The following TRRAP variants were observed in gnomAD, a reference collection of about 807,000 sequenced individuals.
The protein encoded by TRRAP is transformation/transcription domain associated protein.
Under a neutral mutation model 438.8 loss-of-function variants are expected in TRRAP, and 41 were observed. The observed-to-expected ratio is 0.09, with a 90% CI of 0.07 to 0.12. The LOEUF (loss-of-function observed/expected upper bound fraction) is 0.12, where lower values mean the gene tolerates loss of function less well. TRRAP is among the 10% of genes least tolerant of loss of function. TRRAP has a pLI of 1.00. For missense variants in TRRAP, 3,122 were observed against 5,055.1 expected, an observed-to-expected ratio of 0.62 and a Z score of 11.60; for synonymous variants, 1,994 against 1,962.9, an observed-to-expected ratio of 1.02 and a Z score of -0.42.
intron 67 of TRRAP, among the ~76,000 whole-genome samples, chr7:99,002,319 TC>T (rs1428634002): frequency 6.6e-6 from 1 of 152,202 alleles, no homozygotes; most frequent in African/African-American, 2.4e-5. Context: ...CTGAATCAGC[TC>T]TTCAGCTCTT....
intron 43 of TRRAP, among the ~76,000 whole-genome samples, chr7:98,957,686 T>C (rs1289384159): frequency 6.6e-6 from 1 of 152,168 alleles, no homozygotes; most frequent in Non-Finnish European, 1.5e-5. Context: ...TCTCTTCTTT[T>C]TTCTCATGGC....
At chr7:98,893,680 AATTT>A (rs1554405282) in intron 5 of TRRAP, 114 bp from the exon 6 acceptor site, 2 of 905,154 alleles carry the variant, frequency 2.2e-6, no homozygotes, top group African/African-American at 3.4e-5. Context: ...TGAGCTGATG[AATTT>A]TCAGCAAATC....
intron 58 of TRRAP, among the ~76,000 whole-genome samples, chr7:98,979,257 C>T (rs983266770): frequency 2.0e-5 from 3 of 152,164 alleles, no homozygotes; most frequent in Non-Finnish European, 4.4e-5. Context: ...ACATTCTTCC[C>T]TCAGTATCCA....
At chr7:98,927,686 C>T (rs1790114997) in intron 23 of TRRAP, among the ~76,000 whole-genome samples, 1 of 152,132 alleles carries the variant, frequency 6.6e-6, no homozygotes, top group Non-Finnish European at 1.5e-5. Context: ...GCTCACCTTC[C>T]TCTGCCTGGC....
At chr7:98,910,878 A>C (rs1305909227) in intron 16 of TRRAP, among the ~76,000 whole-genome samples, 199 bp from the exon 17 acceptor site, 1 of 151,942 alleles carries the variant, frequency 6.6e-6, no homozygotes, top group African/African-American at 2.4e-5. Context: ...CATGGTCTGA[A>C]CACCTAGAGG....
chr7:98,937,471 TTAAACAG>T (rs1251149160), intron 29 of TRRAP, among the ~76,000 whole-genome samples, 172 bp from the exon 30 acceptor site: 3 of 152,250 alleles, frequency 2.0e-5, no homozygotes, highest in African/African-American at 7.2e-5. Context: ...TTTTAAAATA[TTAAACAG>T]TAAAGATAAG....
At chr7:98,918,586 G>A (rs1331414076) in intron 20 of TRRAP, among the ~76,000 whole-genome samples, 1 of 151,870 alleles carries the variant, frequency 6.6e-6, no homozygotes, top group Admixed American at 6.6e-5. Context: ...GTTACTATAC[G>A]GCCACCATTG....
intron 4 of TRRAP, among the ~76,000 whole-genome samples, chr7:98,891,530 G>A (rs1363007613): frequency 1.5e-5 from 2 of 132,750 alleles, no homozygotes; most frequent in Non-Finnish European, 3.2e-5. Flanking sequence ...ATTTCAGCAT[G>A]TAGCTCTTTT....
At chr7:98,888,268 G>A (rs969112359) in intron 3 of TRRAP, among the ~76,000 whole-genome samples, 3 of 149,642 alleles carry the variant, frequency 2.0e-5, no homozygotes, top group Non-Finnish European at 3.0e-5. Context: ...CAGATGTGGC[G>A]GCTCATGCCT....
At chr7:98,909,113 T>G in intron 14 of TRRAP, 151 bp downstream of exon 14, 2 of 735,138 alleles carry the variant, frequency 2.7e-6, no homozygotes, top group East Asian at 5.5e-5. Context: ...AACCTCTGCC[T>G]CCTGGGTTCA....
rs782261428 is a variant in TRRAP at position 98,949,532 on chromosome 7, C to T, written c.4904C>T (p.Ser1635Leu). 19 of 1,602,742 alleles carry T rather than the reference C, an allele frequency of 1.2e-5. No homozygotes were observed. The highest frequency in any genetic ancestry group is 1.6e-5 in the Non-Finnish European group (19 of 1,175,072). ...GGAQTAVRPGSPSTSTMRLDL... is the reference protein window; with the variant it reads ...GGAQTAVRPGLPSTSTMRLDL... Reference sequence around the variant, plus strand: ...GCCCAGACGGCTGTGCGCCCCGGTTCGCCCAGCACCAGCACCATGCGCCTG... The same window carrying T: ...GCCCAGACGGCTGTGCGCCCCGGTTTGCCCAGCACCAGCACCATGCGCCTG... Residue 1635 changes from serine to leucine, a missense_variant, in exon 36 of 73, where the codon TCG becomes TTG. By Grantham distance (145) the Ser-to-Leu change is moderately radical. This residue lies in a region of TRRAP where 272 missense variants were observed against 348.5 expected (regional missense o/e 0.78). Transcript: ENST00000456197.
intron 18 of TRRAP, among the ~76,000 whole-genome samples, chr7:98,914,928 T>TA (rs1291107106): frequency 3.3e-5 from 5 of 151,956 alleles, no homozygotes; most frequent in Non-Finnish European, 5.9e-5. Flanking sequence ...ATTATTTAAA[T>TA]ACACATGCAA....
rs1446101667 is a variant in TRRAP at position 98,990,535 on chromosome 7, C to T, written c.9672C>T (p.Pro3224=). 2 of 1,614,182 alleles carry T rather than the reference C, an allele frequency of 1.2e-6. No homozygotes were observed. The highest frequency in any genetic ancestry group is 1.1e-5 in the South Asian group (1 of 91,088). The change falls in exon 64 of 73, where the codon CCC becomes CCT. Residue 3224 remains proline, a synonymous_variant. Transcript: ENST00000456197. ...ACAAGTACTGCATTGGTGTGCCACC[C>T]ATCCAGTGGCTGGCCTGGATCCCAC... The part of the protein sequence containing the change: ...AVDKYCIGVP[P]IQWLAWIPQL...
In TRRAP at chr7:99,011,941, G is replaced by C; in HGVS notation, c.11338-130G>C. On this transcript the variant is annotated intron_variant, in intron 72 of 72. Coordinates refer to ENST00000456197, the MANE Select transcript of TRRAP (RefSeq NM_001375524.1). The surrounding 1 kb of genome is among the most constrained non-coding windows in gnomAD (Gnocchi z 7.1). The stretch of plus-strand genomic sequence containing the variant: ...GTCCTGAGGGCACACAGCCTGGCCT[G>C]GTGCTGAAACTCGACTGGCCCTTGG... 1 of 1,207,936 alleles carries C rather than the reference G, an allele frequency of 8.3e-7. No homozygotes were observed. The highest frequency in any genetic ancestry group is 1.1e-6 in the Non-Finnish European group (1 of 870,790). 74.8% of individuals were successfully genotyped at this position (1,207,936 alleles called of 1,614,324 possible). A position where few individuals can be genotyped will look rare whatever the true frequency, so the allele number is the denominator to read the frequency against.
chr7:98,946,731 C>G (rs1791095999), intron 33 of TRRAP, among the ~76,000 whole-genome samples: 1 of 152,222 alleles, frequency 6.6e-6, no homozygotes, highest in Non-Finnish European at 1.5e-5. Context: ...TGCAGCATTG[C>G]ACACACCCCG....
chr7:98,984,419 G>A, intron 61 of TRRAP, 61 bp downstream of exon 61: 1 of 1,473,546 alleles, frequency 6.8e-7, no homozygotes, highest in Non-Finnish European at 9.0e-7. Context: ...TGGAGAATGA[G>A]GCAATGTGGG....
chr7:98,881,379 C>T, intron 2 of TRRAP, 129 bp downstream of exon 2: 1 of 766,240 alleles, frequency 1.3e-6, no homozygotes, highest in Non-Finnish European at 2.0e-6. Flanking sequence ...TTGGGACTAG[C>T]CTGGCCAACA....
Position 98,955,167 on chromosome 7 carries a change from C to T in TRRAP, c.5800C>T (p.Leu1934=). The change falls in exon 41 of 73, where the codon CTG becomes TTG. Residue 1934 remains leucine (L), a synonymous_variant. Coordinates refer to ENST00000456197, the MANE Select transcript of TRRAP (RefSeq NM_001375524.1). ...GATCGTCAGACAGGCGATGGCCATTCTGACCCCGGCGGTGCCGGCCAGGAT... is the reference window on the plus strand; with the variant it reads ...GATCGTCAGACAGGCGATGGCCATTTTGACCCCGGCGGTGCCGGCCAGGAT... ...RAIVRQAMAI[L]TPAVPARMED... is the part of the protein sequence containing the mutation. 6.2e-7 allele frequency: 1 copy of T among 1,614,216 alleles called. No individual in the cohort carries two copies. The highest frequency in any genetic ancestry group is 8.5e-7 in the Non-Finnish European group (1 of 1,180,050).
At chr7:98,878,825 G>A (rs966467570) in intron 1 of TRRAP, among the ~76,000 whole-genome samples, 188 bp downstream of exon 1, 1 of 152,126 alleles carries the variant, frequency 6.6e-6, no homozygotes, top group Non-Finnish European at 1.5e-5. Context: ...CGGCCGAGCT[G>A]AGAGGAAGCT....
Sources: gnomAD v4.1 joint callset for allele counts (sites outside exome capture counted in the v4.1 genomes callset) on GRCh38, gnomAD v4.1.1 for gene constraint, gnomAD v4.1.1 regional missense constraint, Gnocchi (gnomAD v3.1) non-coding constraint, MANE v1.5 for transcripts, NCBI Gene and HGNC (gene_info 2026-07-23, HGNC 2026-07-21) for gene names.